Variants in BIRC6 observed in about 807,000 individuals in gnomAD.
The protein encoded by BIRC6 is baculoviral IAP repeat containing 6.
In BIRC6, 98 loss-of-function variants were observed where a neutral mutation model predicts 503.3. The ratio of observed to expected loss-of-function variants is 0.19; its 90% confidence interval spans 0.17 to 0.23. The LOEUF (loss-of-function observed/expected upper bound fraction) is 0.23, where lower values mean the gene tolerates loss of function less well. Ranked by LOEUF, BIRC6 falls within the 10% of genes least tolerant of loss-of-function variation. The pLI is 1.00. For missense variants in BIRC6, 5,360 were observed against 5,806.0 expected, an observed-to-expected ratio of 0.92 and a Z score of 2.50; for synonymous variants, 2,240 against 2,078.7, an observed-to-expected ratio of 1.08 and a Z score of -2.11.
chr2:32,471,857 A>G (rs1237618546), intron 32 of BIRC6, among the ~76,000 whole-genome samples: 2 of 152,060 alleles, frequency 1.3e-5, no homozygotes, highest in South Asian at 2.1e-4. Flanking sequence ...AATTCTGTAC[A>G]TTGTCAGGAA....
intron 46 of BIRC6, 129 bp from the exon 47 acceptor site, chr2:32,501,584 T>A (rs2053203304): frequency 1.6e-6 from 1 of 628,922 alleles, no homozygotes; most frequent in Non-Finnish European, 2.6e-6. Context: ...TTGGCCAGGC[T>A]GGTTTTGAAC....
intron 73 of BIRC6, among the ~76,000 whole-genome samples, chr2:32,615,070 G>A (rs191528305): frequency 4.6e-5 from 7 of 152,178 alleles, no homozygotes; most frequent in Non-Finnish European, 8.8e-5. Context: ...AAGATGAAGC[G>A]GAATCACGAA....
chr2:32,572,316 G>A (rs551243771), intron 65 of BIRC6, among the ~76,000 whole-genome samples: 95 of 152,148 alleles, frequency 6.2e-4, no homozygotes, highest in Non-Finnish European at 1.2e-3. Flanking sequence ...CTGTGAGTTG[G>A]GTGTTGAAGT....
At chr2:32,372,792 T>C (rs1266336495) in intron 1 of BIRC6, among the ~76,000 whole-genome samples, 1 of 152,092 alleles carries the variant, frequency 6.6e-6, no homozygotes, top group Non-Finnish European at 1.5e-5. Context: ...ATTTCGCCAC[T>C]ATATTCCAGC....
Position 32,414,926 on chromosome 2 carries a change from A to G in BIRC6, c.1635A>G (p.Thr545=). 6.2e-7 allele frequency: 1 copy of G among 1,614,012 alleles called. No homozygotes were observed. The highest frequency in any genetic ancestry group is 1.3e-5 in the African/African-American group (1 of 75,060). Residue 545 remains threonine (T), a synonymous_variant, in exon 10 of 74, where the codon ACA becomes ACG. Coordinates refer to ENST00000421745, the MANE Select transcript of BIRC6 (RefSeq NM_016252.4). The part of the protein sequence containing the change: ...LEELGANPCL[T]NSKSEKTKEK... ...AACTTGGGGCAAATCCTTGTTTAAC[A>G]AACTCTAAGAGTGAAAAGACAAAGG...
At chr2:32,558,530 CAG>C (rs1193071950) in intron 65 of BIRC6, 7 of 152,178 alleles carry the variant, frequency 4.6e-5, no homozygotes, top group East Asian at 3.9e-4. Flanking sequence ...CAATTAATAG[CAG>C]AGTTTATCTC....
chr2:32,384,434 C>G (rs1292949088), intron 3 of BIRC6, among the ~76,000 whole-genome samples: 1 of 151,012 alleles, frequency 6.6e-6, no homozygotes, highest in Non-Finnish European at 1.5e-5. Context: ...AAGTTTTCTA[C>G]AATACCATGA....
chr2:32,553,450 T>C (rs772299087), intron 65 of BIRC6, among the ~76,000 whole-genome samples: 3 of 151,880 alleles, frequency 2.0e-5, no homozygotes, highest in Non-Finnish European at 4.4e-5. Context: ...TGCAGTGATA[T>C]GATCTTGGCT....
chr2:32,401,491 A>G lies in BIRC6; in HGVS notation c.1286A>G (p.Tyr429Cys), dbSNP rs1187281446. ...KVHLKFEINA[Y>C]DPAIVQQLIL... ...CACTTAAAGTTTGAAATTAATGCCT[A>G]TGATCCAGCAATTGTACAACAGCTT... Residue 429 changes from tyrosine to cysteine, a missense_variant, in exon 8 of 74, where the codon TAT (tyrosine) becomes TGT (cysteine). Around this residue, in one of 16 missense-constraint regions of BIRC6, gnomAD observed 700 missense variants for 739.3 expected, o/e 0.95. Transcript: ENST00000421745. 8.1e-6 allele frequency: 13 copies of G among 1,613,872 alleles called. No individual in the cohort carries two copies. The East Asian group carries it at 8.9e-5, about 11-fold the overall frequency.
chr2:32,498,539 C>T (rs1236020043), intron 45 of BIRC6, among the ~76,000 whole-genome samples: 1 of 152,108 alleles, frequency 6.6e-6, no homozygotes, highest in Non-Finnish European at 1.5e-5. Flanking sequence ...ATGCTATAAA[C>T]ACAATACTGT....
At chr2:32,494,954 A>G (rs1015014714) in intron 45 of BIRC6, among the ~76,000 whole-genome samples, 1 of 152,158 alleles carries the variant, frequency 6.6e-6, no homozygotes, top group African/African-American at 2.4e-5. Flanking sequence ...AGTAGTGACT[A>G]TTGCCACTTT....
chr2:32,525,139 T>C, intron 58 of BIRC6, 120 bp downstream of exon 58: 2 of 886,384 alleles, frequency 2.3e-6, no homozygotes, highest in East Asian at 3.1e-5. Context: ...CTCGTAATGA[T>C]GTTTTAATAC....
chr2:32,439,190 C>CGTGT lies in BIRC6; in HGVS notation c.3632-315_3632-312dup, dbSNP rs146683730. Among the ~76,000 whole-genome samples, 17 of 149,524 alleles carry CGTGT rather than the reference C, an allele frequency of 1.1e-4. 1 individual carries two copies. The highest frequency in any genetic ancestry group is 2.5e-4 in the African/African-American group (10 of 40,336). ...AATGACAGTTTTGTGTGTGTGTGTG[C>CGTGT]GTGTGTATGTGTGTGTGTAGTTGAT... On this transcript the variant is annotated intron_variant, in intron 15 of 73. Transcript: ENST00000421745.
chr2:32,598,132 C>T (rs1415355369), intron 69 of BIRC6, among the ~76,000 whole-genome samples, 164 bp downstream of exon 69: 1 of 140,474 alleles, frequency 7.1e-6, no homozygotes, highest in East Asian at 2.3e-4. Flanking sequence ...CCCCACCCCT[C>T]CCCCCCTTTT....
intron 19 of BIRC6, 167 bp from the exon 20 acceptor site, chr2:32,443,324 T>G: frequency 3.6e-6 from 2 of 558,622 alleles, no homozygotes; most frequent in East Asian, 6.0e-5. Context: ...CTCCTTAGTA[T>G]AATCAGTTCC....
At chr2:32,380,770 C>T (rs982169710) in intron 3 of BIRC6, among the ~76,000 whole-genome samples, 11 of 152,086 alleles carry the variant, frequency 7.2e-5, no homozygotes, top group Admixed American at 2.0e-4. Flanking sequence ...ACTTCTTAAT[C>T]GAAGCTTAAC....
At chr2:32,547,655 C>T (rs1181928405) in intron 63 of BIRC6, among the ~76,000 whole-genome samples, 195 bp from the exon 64 acceptor site, 1 of 152,112 alleles carries the variant, frequency 6.6e-6, no homozygotes, top group Non-Finnish European at 1.5e-5. Context: ...GTGTCTATTT[C>T]AGCACCAGTT....
chr2:32,428,459 A>C (rs2147897443), intron 10 of BIRC6, among the ~76,000 whole-genome samples: 1 of 152,332 alleles, frequency 6.6e-6, no homozygotes, highest in East Asian at 1.9e-4. Flanking sequence ...TGGAGATAGC[A>C]GTGAATGTGC....
At chr2:32,522,711 A>G (rs1168094232) in intron 57 of BIRC6, 1 of 152,138 alleles carries the variant, frequency 6.6e-6, no homozygotes, top group Non-Finnish European at 1.5e-5. Flanking sequence ...TAAGAGCACA[A>G]AGCATTTTAT....
Sources: gnomAD v4.1 joint callset for allele counts (sites outside exome capture counted in the v4.1 genomes callset) on GRCh38, gnomAD v4.1.1 for gene constraint, gnomAD v4.1.1 regional missense constraint, MANE v1.5 for transcripts, NCBI Gene and HGNC (gene_info 2026-07-23, HGNC 2026-07-21) for gene names.